The following TNR variants were observed in gnomAD, a reference collection of about 807,000 sequenced individuals.
TNR encodes tenascin-R.
A neutral mutation model predicts 150.4 loss-of-function variants in TNR; 45 were observed. The ratio of observed to expected loss-of-function variants is 0.30; its 90% CI spans 0.24 to 0.38. TNR has a LOEUF of 0.38. TNR is among the 10% of genes least tolerant of loss of function. TNR has a pLI of 1.00. For missense variants in TNR, 1,544 were observed against 1,759.1 expected (o/e 0.88, Z 2.19); for synonymous variants, 687 against 678.4 (o/e 1.01, Z -0.20).
chr1:175,650,904 C>A (rs200272272), intron 1 of TNR, among the ~76,000 whole-genome samples: 1 of 75,756 alleles, frequency 1.3e-5, no homozygotes, highest in Non-Finnish European at 2.7e-5. Flanking sequence ...ACCCCTCTCC[C>A]ACCTCATTAC....
intron 1 of TNR, among the ~76,000 whole-genome samples, chr1:175,587,692 C>T (rs1233619403): frequency 1.3e-5 from 2 of 152,028 alleles, no homozygotes; most frequent in East Asian, 1.9e-4. Context: ...GAGCCTAGAC[C>T]CTACCCCAAT....
At chr1:175,518,162 T>A (rs80221351) in intron 2 of TNR, among the ~76,000 whole-genome samples, 1 of 152,222 alleles carries the variant, frequency 6.6e-6, no homozygotes, top group Admixed American at 6.5e-5. Flanking sequence ...TGTTTACACA[T>A]CTGTAATCAT....
chr1:175,644,309 T>A (rs961201258), intron 1 of TNR, among the ~76,000 whole-genome samples: 4 of 152,208 alleles, frequency 2.6e-5, no homozygotes, highest in African/African-American at 9.6e-5. Flanking sequence ...CTAATCAGTG[T>A]CACCTTCTCA....
Position 175,479,800 on chromosome 1 carries a change from C to A in TNR, c.-64+48469G>T, listed in dbSNP as rs113300061. On this transcript the variant is annotated intron_variant, in intron 2 of 22. Coordinates refer to ENST00000367674, the MANE Select transcript of TNR (RefSeq NM_003285.3). ...GTGGCTAGTAGGTTCCTTCGAAAAA[C>A]CTCCCAGCTGCTGTGGGTAGCCGCA... Among the ~76,000 whole-genome samples the A allele has an allele frequency of 1.4e-3, 220 of 152,202 alleles. 2 individuals are homozygous for A. Among genetic ancestry groups the A allele is most frequent in the African/African-American group, 5.0e-3 (209 of 41,514 alleles).
chr1:175,494,861 C>T (rs959258025), intron 2 of TNR, among the ~76,000 whole-genome samples: 2 of 152,268 alleles, frequency 1.3e-5, no homozygotes, highest in African/African-American at 2.4e-5. Context: ...GGATGGCACA[C>T]GGTTCTTAGT....
intron 1 of TNR, among the ~76,000 whole-genome samples, chr1:175,549,865 A>G (rs1660865480): frequency 6.6e-6 from 1 of 152,122 alleles, no homozygotes. Flanking sequence ...CAGCTGGTCA[A>G]CACCATGATC....
chr1:175,673,529 G>C (rs1665765979), intron 1 of TNR, among the ~76,000 whole-genome samples: 1 of 152,248 alleles, frequency 6.6e-6, no homozygotes, highest in East Asian at 1.9e-4. Context: ...AGAATAAAAA[G>C]GGAGTCTCAA....
intron 1 of TNR, among the ~76,000 whole-genome samples, chr1:175,571,572 ACT>A (rs1235167698): frequency 3.3e-5 from 5 of 152,034 alleles, no homozygotes; most frequent in African/African-American, 1.2e-4. Flanking sequence ...TACTCCATTA[ACT>A]CACACATAAC....
At chr1:175,664,367 C>T (rs1665468626) in intron 1 of TNR, among the ~76,000 whole-genome samples, 1 of 152,180 alleles carries the variant, frequency 6.6e-6, no homozygotes, top group Non-Finnish European at 1.5e-5. Context: ...TCTTGCCAAA[C>T]ACCCACTGCA....
At chr1:175,399,452 C>A (rs531824330) in intron 4 of TNR, among the ~76,000 whole-genome samples, 3 of 152,292 alleles carry the variant, frequency 2.0e-5, no homozygotes, top group South Asian at 4.1e-4. Flanking sequence ...TAGCTTGAGG[C>A]CTGAGCCTGG....
chr1:175,660,477 C>T (rs1665328272), intron 1 of TNR, among the ~76,000 whole-genome samples: 1 of 152,212 alleles, frequency 6.6e-6, no homozygotes, highest in African/African-American at 2.4e-5. Context: ...CTGGGCAAAT[C>T]CTCTCATCTT....
intron 2 of TNR, among the ~76,000 whole-genome samples, chr1:175,508,766 C>T (rs1659052928): frequency 6.6e-6 from 1 of 152,250 alleles, no homozygotes; most frequent in South Asian, 2.1e-4. Context: ...ACCAACTAAG[C>T]TTCTTCCAGA....
chr1:175,716,355 C>T (rs1667154056), intron 1 of TNR, among the ~76,000 whole-genome samples: 1 of 152,180 alleles, frequency 6.6e-6, no homozygotes, highest in Non-Finnish European at 1.5e-5. Flanking sequence ...CAAATCCAAA[C>T]CTTACTCCTC....
intron 1 of TNR, among the ~76,000 whole-genome samples, chr1:175,679,299 C>T (rs1268561346): frequency 1.3e-5 from 2 of 152,214 alleles, no homozygotes; most frequent in Non-Finnish European, 2.9e-5. Flanking sequence ...GGGGCAGGCT[C>T]CTGGGCCAGA....
intron 13 of TNR, 81 bp from the exon 14 acceptor site, chr1:175,362,890 G>C: frequency 9.7e-6 from 15 of 1,551,210 alleles, no homozygotes; most frequent in Non-Finnish European, 1.3e-5. Flanking sequence ...TGTCAATAAA[G>C]CACAGATGGG....
intron 1 of TNR, among the ~76,000 whole-genome samples, chr1:175,625,968 G>A (rs202083140): frequency 1.3e-4 from 10 of 79,766 alleles, no homozygotes; most frequent in East Asian, 7.5e-4. Context: ...GGAGGGACCC[G>A]GGGGGGAGGT....
chr1:175,417,578 TGCTAAACATGG>T (rs1010289943), intron 2 of TNR, among the ~76,000 whole-genome samples: 17 of 152,180 alleles, frequency 1.1e-4, no homozygotes, highest in African/African-American at 3.1e-4. Context: ...TACTAATATG[TGCTAAACATGG>T]GCTCAGAACT....
At chr1:175,738,044 T>C (rs1464578831) in intron 1 of TNR, among the ~76,000 whole-genome samples, 2 of 152,152 alleles carry the variant, frequency 1.3e-5, no homozygotes, top group African/African-American at 4.8e-5. Flanking sequence ...AGATTAGCAA[T>C]GAGAGTCTGA....
intron 1 of TNR, among the ~76,000 whole-genome samples, chr1:175,534,046 G>A (rs1660173715): frequency 6.6e-6 from 1 of 152,216 alleles, no homozygotes; most frequent in Admixed American, 6.5e-5. Context: ...CTTTTTAAAT[G>A]TTGCCATAAT....
Sources: gnomAD v4.1 joint callset for allele counts (sites outside exome capture counted in the v4.1 genomes callset) on GRCh38, gnomAD v4.1.1 for gene constraint, MANE v1.5 for transcripts, NCBI Gene and HGNC (gene_info 2026-07-23, HGNC 2026-07-21) for gene names.